The following TTC39A variants were observed in gnomAD, a reference collection of about 807,000 sequenced individuals.
TTC39A encodes tetratricopeptide repeat protein 39A.
In TTC39A, 46 loss-of-function variants were observed where a neutral mutation model predicts 82.3. The observed-to-expected ratio is 0.56, with a 90% CI of 0.44 to 0.71. The LOEUF (loss-of-function observed/expected upper bound fraction) is 0.71, where lower values mean the gene tolerates loss of function less well. TTC39A is among the 30% of genes least tolerant of loss of function. TTC39A has a pLI of 0.00. For missense variants in TTC39A, 543 were observed against 712.9 expected (o/e 0.76, Z 2.71); for synonymous variants, 254 against 275.2 (o/e 0.92, Z 0.76).
At chr1:51,309,925 C>T (rs1645021031) in intron 5 of TTC39A, among the ~76,000 whole-genome samples, 10 of 152,006 alleles carry the variant, frequency 6.6e-5, no homozygotes, top group Admixed American at 6.6e-4. Context: ...GAAAGCAAGA[C>T]CCACACCACT....
At chr1:51,296,291 G>T (rs1286448791) in intron 12 of TTC39A, 121 bp from the exon 13 acceptor site, 42 of 932,600 alleles carry the variant, frequency 4.5e-5, no homozygotes, top group Non-Finnish European at 6.6e-5. Context: ...CCAAGCCCCA[G>T]GGGAGAAATG....
intron 12 of TTC39A, 105 bp from the exon 13 acceptor site, chr1:51,296,275 T>C (rs1433140534): frequency 5.6e-6 from 6 of 1,076,902 alleles, no homozygotes; most frequent in Non-Finnish European, 8.3e-6. Context: ...GGAGCTCCCG[T>C]TGTCTCCAAG....
chr1:51,313,746 C>T (rs1645177305), intron 2 of TTC39A, among the ~76,000 whole-genome samples: 1 of 152,242 alleles, frequency 6.6e-6, no homozygotes, highest in Non-Finnish European at 1.5e-5. Context: ...GGCCTGTAAT[C>T]CCAGCACTCT....
rs1311646893 is a variant in TTC39A, at chr1:51,330,427, G to A, written c.41+10C>T. ...GCCCGCGCCCCCGGGCCTCCCAGCC[G>A]CGCACTTACCCCGCGGGCAGGGCTC... On this transcript the variant is annotated intron_variant, in intron 1 of 17. Coordinates refer to ENST00000680483, the MANE Select transcript of TTC39A (RefSeq NM_001297663.2). This position sits in a 1 kb window ranked among gnomAD's most constrained non-coding sequence, Gnocchi z 4.5. 2.0e-6 allele frequency: 2 copies of A among 981,690 alleles called. No individual in the cohort carries two copies. The highest frequency in any genetic ancestry group is 1.1e-4 in the East Asian group (1 of 8,716). The allele number at this position is 981,690 out of a possible 1,614,324, so 60.8% of individuals were successfully genotyped here. A position where few individuals can be genotyped will look rare whatever the true frequency, so the allele number is the denominator to read the frequency against.
chr1:51,314,071 A>C (rs1002551455), intron 2 of TTC39A, among the ~76,000 whole-genome samples: 2 of 152,314 alleles, frequency 1.3e-5, no homozygotes, highest in Admixed American at 1.3e-4. Context: ...CTCTGTCCTC[A>C]GCACCGATGT....
chr1:51,320,245 C>T (rs183105970), intron 2 of TTC39A, among the ~76,000 whole-genome samples: 94 of 152,056 alleles, frequency 6.2e-4, no homozygotes, highest in African/African-American at 1.8e-3. Context: ...TAAAGACTTA[C>T]GGATAAATGT....
intron 8 of TTC39A, among the ~76,000 whole-genome samples, chr1:51,304,099 ACT>A (rs1161386213): frequency 4.6e-5 from 7 of 151,926 alleles, no homozygotes; most frequent in Non-Finnish European, 8.8e-5. Flanking sequence ...TGGGGTTTGA[ACT>A]CTCTCACCCT....
intron 1 of TTC39A, among the ~76,000 whole-genome samples, chr1:51,327,737 C>T (rs1379901344): frequency 6.7e-6 from 1 of 150,056 alleles, no homozygotes. Context: ...CTCTCTGTCG[C>T]CCAGGCTGGA....
intron 6 of TTC39A, 75 bp downstream of exon 6, chr1:51,309,186 G>A (rs1388116843): frequency 6.0e-5 from 91 of 1,509,028 alleles, no homozygotes; most frequent in Non-Finnish European, 8.0e-5. Context: ...CTCCCACAAA[G>A]CCGCCTGAGG....
At chr1:51,333,744 T>C (rs891855575), upstream of TTC39A, among the ~76,000 whole-genome samples, 3 of 152,044 alleles carry the variant, frequency 2.0e-5, no homozygotes, top group Admixed American at 1.3e-4. Flanking sequence ...GAGCAGAGAG[T>C]GAGGTTTGTA....
Position 51,345,084 on chromosome 1 carries a change from CGCGGCGGCG to C in TTC39A, c.-50_-42del, listed in dbSNP as rs1050286255. 1.1e-5 allele frequency: 14 copies of C among 1,298,714 alleles called. 1 individual carries two copies. Among genetic ancestry groups the C allele is most frequent in the East Asian group, 3.2e-5 (1 of 31,058 alleles). 80.4% of individuals were successfully genotyped at this position (1,298,714 alleles called of 1,614,324 possible). ...TCGGACGGGGCCGCGGGCGGCCCCT[CGCGGCGGCG>C]GCGGCGGCCGTGGAGGCTACAGTGG... is the stretch of plus-strand genomic sequence containing the variant. On this transcript the variant is annotated 5_prime_UTR_variant, in exon 1 of 6. Coordinates refer to the TTC39A transcript ENST00000401051.
chr1:51,321,868 C>A lies in TTC39A; in HGVS notation c.42-43G>T. On this transcript the variant is annotated intron_variant, in intron 1 of 17. Transcript: ENST00000680483. This position sits in a 1 kb window ranked among gnomAD's most constrained non-coding sequence, Gnocchi z 4.6. ...GGGCATGACACAGGGGCCCTCCAAC[C>A]CTCCAGCCTCTCCTGGCTGGAACAG... 1 of 1,556,994 alleles carries A rather than the reference C, an allele frequency of 6.4e-7. No homozygotes were observed. Among genetic ancestry groups the A allele is most frequent in the East Asian group, 2.3e-5 (1 of 43,488 alleles).
rs1644168077 is a variant in TTC39A at position 51,290,508 on chromosome 1, A to G, written c.1378+6T>C. 2 of 1,612,764 alleles carry G rather than the reference A, an allele frequency of 1.2e-6. No individual in the cohort carries two copies. The highest frequency in any genetic ancestry group is 3.3e-5 in the Admixed American group (2 of 59,878). On this transcript the variant is annotated splice_donor_region_variant and intron_variant, in intron 15 of 17. Coordinates refer to ENST00000680483, the MANE Select transcript of TTC39A (RefSeq NM_001297663.2). Reference sequence around the variant, plus strand: ...ATGGCAGGCCCAAGGGCCTGAGGGAAGTCACCTGGGCCTTTCTCCAGCATC... The same window carrying G: ...ATGGCAGGCCCAAGGGCCTGAGGGAGGTCACCTGGGCCTTTCTCCAGCATC...
intron 4 of TTC39A, 53 bp downstream of exon 4, chr1:51,312,065 TG>T: frequency 6.4e-7 from 1 of 1,564,690 alleles, no homozygotes; most frequent in South Asian, 1.2e-5. Context: ...TTCCTGGGCC[TG>T]GAGCTGGCCA....
intron 11 of TTC39A, 114 bp from the exon 12 acceptor site, chr1:51,301,847 C>T: frequency 6.9e-7 from 1 of 1,450,366 alleles, no homozygotes; most frequent in Non-Finnish European, 9.2e-7. Flanking sequence ...CATAGTGGTC[C>T]AGCCCTGTGC....
chr1:51,305,002 C>T, intron 8 of TTC39A, 79 bp downstream of exon 8: 1 of 1,510,174 alleles, frequency 6.6e-7, no homozygotes, highest in Non-Finnish European at 9.2e-7. Flanking sequence ...GGCCCTGTGG[C>T]CTGTCAGCCC....
chr1:51,308,972 C>G (rs570543419), intron 6 of TTC39A, among the ~76,000 whole-genome samples: 2 of 152,276 alleles, frequency 1.3e-5, no homozygotes, highest in East Asian at 3.9e-4. Flanking sequence ...TCTCCCTGCC[C>G]CCACCAGAAC....
Position 51,294,562 on chromosome 1 carries a change from G to A in TTC39A, c.1146-51C>T. The A allele has an allele frequency of 1.2e-6, 2 of 1,609,958 alleles. No individual in the cohort carries two copies. Among genetic ancestry groups the A allele is most frequent in the Non-Finnish European group, 1.7e-6 (2 of 1,178,380 alleles). ...AGAGGATGAAAAAGAGCAGGAGAGG[G>A]CAGAGGGTCCCCAGCCTACCCAGCT... On this transcript the variant is annotated intron_variant, in intron 13 of 17. Coordinates refer to ENST00000680483, the MANE Select transcript of TTC39A (RefSeq NM_001297663.2). This position sits in a 1 kb window ranked among gnomAD's most constrained non-coding sequence, Gnocchi z 4.3.
At chr1:51,308,347 C>G (rs1644952976) in intron 6 of TTC39A, among the ~76,000 whole-genome samples, 1 of 151,522 alleles carries the variant, frequency 6.6e-6, no homozygotes, top group Admixed American at 6.6e-5. Context: ...TCAAGCGATT[C>G]TCCTGCCTGA....
Sources: gnomAD v4.1 joint callset for allele counts (sites outside exome capture counted in the v4.1 genomes callset) on GRCh38, gnomAD v4.1.1 for gene constraint, Gnocchi (gnomAD v3.1) non-coding constraint, MANE v1.5 for transcripts, NCBI Gene and HGNC (gene_info 2026-07-23, HGNC 2026-07-21) for gene names.